The following MTUS2 variants were observed in gnomAD, a reference collection of about 807,000 sequenced individuals.
MTUS2 encodes microtubule associated scaffold protein 2.
MTUS2 carries 40 observed loss-of-function variants against 114.1 expected under a neutral mutation model. The observed-to-expected ratio is 0.35, with a 90% CI of 0.27 to 0.46. The LOEUF (loss-of-function observed/expected upper bound fraction) is 0.46. Ranked by LOEUF, MTUS2 falls within the 20% of genes least tolerant of loss-of-function variation. MTUS2 has a pLI of 1.00. For missense variants in MTUS2, 1,679 were observed against 1,705.4 expected, an observed-to-expected ratio of 0.98 and a Z score of 0.27; for synonymous variants, 688 against 672.0, an observed-to-expected ratio of 1.02 and a Z score of -0.37.
chr13:29,497,277 C>T lies in MTUS2; in HGVS notation c.3619C>T (p.Arg1207Trp), dbSNP rs780726300. Residue 1207 changes from arginine to tryptophan, a missense_variant, in exon 13 of 16, where the codon CGG (arginine) becomes TGG (tryptophan). Transcript: ENST00000612955. ...DTLTFQSQSLRDRARRFEEAL... is the reference protein window; with the variant it reads ...DTLTFQSQSLWDRARRFEEAL... ...GCTGACCTTCCAGAGCCAGTCTCTG[C>T]GGGACAGAGCCCGCCGCTTCGAAGA... 1.6e-5 allele frequency: 26 copies of T among 1,611,944 alleles called. No homozygotes were observed. The highest frequency in any genetic ancestry group is 1.0e-4 in the Admixed American group (6 of 59,992).
At chr13:29,369,680 G>T (rs74642054) in intron 8 of MTUS2, among the ~76,000 whole-genome samples, 2,386 of 152,266 alleles carry the variant, frequency 0.016, 64 homozygotes, top group African/African-American at 0.053. Flanking sequence ...CCTGGAGAGA[G>T]TAAAAACACA....
At chr13:29,018,890 C>G (rs1886178009) in intron 2 of MTUS2, among the ~76,000 whole-genome samples, 1 of 151,712 alleles carries the variant, frequency 6.6e-6, no homozygotes, top group South Asian at 2.1e-4. Context: ...GAAAGATGGG[C>G]AGATACAATT....
rs527647685 is a variant in MTUS2 at position 29,424,970 on chromosome 13, T to A, written c.3118-15013T>A. On this transcript the variant is annotated intron_variant, in intron 8 of 15. Transcript: ENST00000612955. ...ATTTTTTTTTTAGAAACCAGCAAAA[T>A]TTTTTTATGAGCTAGGTATTGGATA... Among the ~76,000 whole-genome samples the A allele has an allele frequency of 1.8e-3, 267 of 152,218 alleles. 1 individual carries two copies. Among genetic ancestry groups the A allele is most frequent in the African/African-American group, 6.0e-3 (251 of 41,536 alleles).
intron 5 of MTUS2, among the ~76,000 whole-genome samples, chr13:29,259,455 G>A (rs374807532): frequency 1.6e-4 from 25 of 152,352 alleles, no homozygotes; most frequent in African/African-American, 5.0e-4. Context: ...TTAAGACTTC[G>A]TGTTGAAGCT....
At chr13:28,956,063 C>CG (rs895766680) in intron 2 of MTUS2, among the ~76,000 whole-genome samples, 4 of 144,558 alleles carry the variant, frequency 2.8e-5, no homozygotes, top group African/African-American at 1.0e-4. Flanking sequence ...TGCCCCCCCC[C>CG]ATCCTTTCCC....
At chr13:28,864,905 A>G (rs1877201540) in intron 2 of MTUS2, among the ~76,000 whole-genome samples, 1 of 152,168 alleles carries the variant, frequency 6.6e-6, no homozygotes, top group Non-Finnish European at 1.5e-5. Context: ...TTGCTCCCAT[A>G]TACATAATTG....
At chr13:29,330,771 T>C (rs1338372334) in intron 7 of MTUS2, among the ~76,000 whole-genome samples, 1 of 152,202 alleles carries the variant, frequency 6.6e-6, no homozygotes, top group Non-Finnish European at 1.5e-5. Context: ...TTCTGAGGCC[T>C]TTATTCTCTT....
rs371216693 is a variant in MTUS2 at position 29,498,502 on chromosome 13, G to A, written c.3763G>A (p.Glu1255Lys). The A allele has an allele frequency of 6.8e-6, 11 of 1,614,154 alleles. No homozygotes were observed. The highest frequency in any genetic ancestry group is 2.7e-5 in the African/African-American group (2 of 75,034). ...VLEMKNQQIH[E>K]QEKKILELEK... Reference sequence around the variant, plus strand: ...AGAAATGAAGAATCAGCAAATACACGAGCAAGAAAAGAAGATTCTTGAGCT... The same window carrying A: ...AGAAATGAAGAATCAGCAAATACACAAGCAAGAAAAGAAGATTCTTGAGCT... Residue 1255 changes from glutamate to lysine, a missense_variant, in exon 14 of 16, where the codon GAG (glutamate) becomes AAG (lysine). By Grantham distance (56) the Glu-to-Lys change is moderately conservative. Coordinates refer to ENST00000612955, the MANE Select transcript of MTUS2 (RefSeq NM_001033602.4).
chr13:28,902,698 C>T (rs772554882), intron 2 of MTUS2, among the ~76,000 whole-genome samples: 1 of 152,062 alleles, frequency 6.6e-6, no homozygotes, highest in Non-Finnish European at 1.5e-5. Flanking sequence ...TCTTTTTATA[C>T]ACTGTTTGAC....
At chr13:29,187,660 T>TGA (rs1894281701) in intron 5 of MTUS2, among the ~76,000 whole-genome samples, 1 of 152,198 alleles carries the variant, frequency 6.6e-6, no homozygotes, top group Middle Eastern at 3.2e-3. Flanking sequence ...TTATTTGTCA[T>TGA]TTATCATTTG....
At chr13:29,278,600 T>A (rs1898153280) in intron 5 of MTUS2, among the ~76,000 whole-genome samples, 1 of 152,194 alleles carries the variant, frequency 6.6e-6, no homozygotes, top group Non-Finnish European at 1.5e-5. Flanking sequence ...TTGCCAAAAT[T>A]AAAATCCAGT....
chr13:29,367,942 C>T (rs1193121665), intron 8 of MTUS2, among the ~76,000 whole-genome samples: 4 of 134,590 alleles, frequency 3.0e-5, no homozygotes, highest in East Asian at 2.2e-4. Flanking sequence ...GAATCTACTT[C>T]TTTTTTTTTT....
intron 5 of MTUS2, chr13:29,239,901 G>C (rs1164969285): frequency 6.6e-6 from 1 of 152,050 alleles, no homozygotes; most frequent in African/African-American, 2.4e-5. Context: ...AACCAGAGTG[G>C]AGAGATGAAT....
chr13:29,353,990 G>C (rs4769727), intron 7 of MTUS2, among the ~76,000 whole-genome samples: 122,552 of 152,108 alleles, frequency 0.81, 50,395 homozygotes, highest in East Asian at 0.9. Context: ...TCAATCCTCT[G>C]TGGTATCCTA....
chr13:28,920,306 C>T (rs1175336230), intron 2 of MTUS2, among the ~76,000 whole-genome samples: 1 of 152,226 alleles, frequency 6.6e-6, no homozygotes, highest in Non-Finnish European at 1.5e-5. Context: ...CACTGTGGTT[C>T]TTGCAGACAC....
chr13:29,332,828 G>A (rs1900857192), intron 7 of MTUS2, among the ~76,000 whole-genome samples: 1 of 151,852 alleles, frequency 6.6e-6, no homozygotes, highest in African/African-American at 2.4e-5. Context: ...GTAGAGACGG[G>A]GTTTCACTGT....
In MTUS2 at chr13:29,383,582, AT is replaced by A. The variant is rs1290377713; in HGVS notation, c.3117+24112del. Reference sequence around the variant, plus strand: ...TAAAAAGTGTGTCTGTGTAGGGAAGATTTCTCATCCTGGGGCTTTCAGCTTT... The same window carrying A: ...TAAAAAGTGTGTCTGTGTAGGGAAGATTCTCATCCTGGGGCTTTCAGCTTT... On this transcript the variant is annotated intron_variant, in intron 8 of 15. Transcript: ENST00000612955. 6.0e-5 allele frequency among the ~76,000 whole-genome samples: 9 copies of A among 150,638 alleles called. No homozygotes were observed. The East Asian group carries it at 1.8e-3, about 30-fold the overall frequency.
intron 5 of MTUS2, among the ~76,000 whole-genome samples, chr13:29,169,732 C>T (rs1395640664): frequency 1.3e-5 from 2 of 152,122 alleles, no homozygotes; most frequent in African/African-American, 4.8e-5. Context: ...TTGATGAGCG[C>T]TTAAGGATTT....
At chr13:29,394,837 A>G (rs1184376266) in intron 8 of MTUS2, among the ~76,000 whole-genome samples, 2 of 152,138 alleles carry the variant, frequency 1.3e-5, no homozygotes, top group Admixed American at 6.5e-5. Context: ...TTAACGGTGC[A>G]TGTGAGGGAT....
Sources: gnomAD v4.1 joint callset for allele counts (sites outside exome capture counted in the v4.1 genomes callset) on GRCh38, gnomAD v4.1.1 for gene constraint, MANE v1.5 for transcripts, NCBI Gene and HGNC (gene_info 2026-07-23, HGNC 2026-07-21) for gene names.